The following UAP1 variants were observed in gnomAD, a reference collection of about 807,000 sequenced individuals.
UAP1 encodes UDP-N-acetylhexosamine pyrophosphorylase.
A neutral mutation model predicts 58.5 loss-of-function variants in UAP1; 25 were observed. The observed-to-expected ratio is 0.43, with a 90% confidence interval of 0.31 to 0.60. The LOEUF is 0.60. UAP1 is among the 20% of genes least tolerant of loss of function. The probability of loss-of-function intolerance (pLI) is 0.11; values close to 1 mark genes in which losing one functional copy is unlikely to be tolerated. For synonymous variants in UAP1, 208 were observed against 213.0 expected (o/e 0.98, Z 0.21); for missense variants, 575 against 630.0 (o/e 0.91, Z 0.93).
intron 2 of UAP1, among the ~76,000 whole-genome samples, chr1:162,573,991 T>G (rs1426285270): frequency 6.6e-6 from 1 of 151,440 alleles, no homozygotes; most frequent in Non-Finnish European, 1.5e-5. Flanking sequence ...ATAGCTGGAA[T>G]GATTGCTGAA....
chr1:162,596,503 T>A (rs1028332122), intron 9 of UAP1, among the ~76,000 whole-genome samples: 1 of 152,220 alleles, frequency 6.6e-6, no homozygotes, highest in Non-Finnish European at 1.5e-5. Flanking sequence ...AATAAATGGA[T>A]GGAGACAATC....
At chr1:162,585,510 C>T (rs1654853669) in intron 5 of UAP1, among the ~76,000 whole-genome samples, 1 of 152,108 alleles carries the variant, frequency 6.6e-6, no homozygotes, top group Non-Finnish European at 1.5e-5. Context: ...GATACACCCA[C>T]CTCAGCCTCC....
At chr1:162,589,209 A>ATATATTATATATTATATTTAAATATAT (rs10679970) in intron 7 of UAP1, among the ~76,000 whole-genome samples, 49 of 111,928 alleles carry the variant, frequency 4.4e-4, no homozygotes, top group Non-Finnish European at 7.5e-4. Flanking sequence ...TTATATTTAA[A>ATATATTATATATTATATTTAAATATAT]TATATATAAT....
chr1:162,569,236 A>G (rs917247982), intron 2 of UAP1, among the ~76,000 whole-genome samples: 23 of 152,228 alleles, frequency 1.5e-4, no homozygotes, highest in African/African-American at 4.8e-4. Context: ...TGGTAATTGT[A>G]TCAGGGACAG....
In UAP1 at chr1:162,576,986, G is replaced by C; in HGVS notation, c.485+5G>C. ...CAACAAATGCATTATTCCATGGTAA[G>C]ATACGTCTCATTATTGGAGTGTGTC... is the stretch of plus-strand genomic sequence containing the variant. On this transcript the variant is annotated splice_donor_5th_base_variant and intron_variant, in intron 3 of 10. Coordinates refer to ENST00000271469, the Ensembl canonical transcript of UAP1. The C allele has an allele frequency of 6.2e-7, 1 of 1,613,376 alleles. No homozygotes were observed. Among genetic ancestry groups the C allele is most frequent in the Non-Finnish European group, 8.5e-7 (1 of 1,179,390 alleles).
exon 7 of UAP1, chr1:162,588,717 C>T (rs755969259): frequency 2.1e-5 from 34 of 1,611,274 alleles, no homozygotes; most frequent in Non-Finnish European, 2.0e-5. Context: ...AGTTGCAGCA[C>T]CATGTGGCTC....
chr1:162,583,255 C>T lies in UAP1; in HGVS notation c.834+1796C>T, dbSNP rs1654710844. ...GCAACCTCCGTCTCCCAGGTTCAAG[C>T]AATTCTCCTGCCTCAGCCTCCTGAG... On this transcript the variant is annotated intron_variant, in intron 5 of 10. Transcript: ENST00000271469. Among the ~76,000 whole-genome samples, 3 of 144,750 alleles carry T rather than the reference C, an allele frequency of 2.1e-5. No homozygotes were observed. The Admixed American group carries it at 2.2e-4, about 11-fold the overall frequency. The allele number at this position is 144,750 out of a possible 152,430, so 95.0% of individuals were successfully genotyped here. A position where few individuals can be genotyped will look rare whatever the true frequency, so the allele number is the denominator to read the frequency against.
chr1:162,561,998 C>T (rs563782988), intron 1 of UAP1, among the ~76,000 whole-genome samples: 3 of 152,244 alleles, frequency 2.0e-5, no homozygotes, highest in Non-Finnish European at 2.9e-5. Context: ...TCCTCCGCCA[C>T]CCCGCGAGAG....
chr1:162,589,208 AAT>A (rs1305610508), intron 7 of UAP1, among the ~76,000 whole-genome samples: 1 of 50,390 alleles, frequency 2.0e-5, no homozygotes, highest in African/African-American at 5.8e-5. Context: ...ATTATATTTA[AAT>A]ATATATAATA....
At chr1:162,588,796 A>G in exon 7 of UAP1, 1 of 1,612,376 alleles carries the variant, frequency 6.2e-7, no homozygotes, top group Middle Eastern at 1.7e-4. Flanking sequence ...TGGAATAAAG[A>G]TGGAAAAATT....
chr1:162,582,441 G>A (rs1342749842), intron 5 of UAP1, among the ~76,000 whole-genome samples: 1 of 152,116 alleles, frequency 6.6e-6, no homozygotes, highest in Non-Finnish European at 1.5e-5. Context: ...AATAGAGTAG[G>A]TCAGTCAGAA....
At chr1:162,565,337 C>T (rs1381151144) in intron 1 of UAP1, among the ~76,000 whole-genome samples, 2 of 152,148 alleles carry the variant, frequency 1.3e-5, no homozygotes, top group African/African-American at 4.8e-5. Flanking sequence ...CAGAATATAG[C>T]TCTTTAGAAA....
chr1:162,587,677 A>C lies in UAP1; in HGVS notation c.1028+9A>C. On this transcript the variant is annotated intron_variant, in intron 6 of 10. Transcript: ENST00000271469. ...CTGAGAGATGTTGTCAAGTATGGGC[A>C]AGATGGGGGCCTTTTAAAATTATAT... 1 of 1,607,524 alleles carries C rather than the reference A, an allele frequency of 6.2e-7. No individual in the cohort carries two copies. The highest frequency in any genetic ancestry group is 1.3e-5 in the African/African-American group (1 of 74,834).
chr1:162,586,008 T>C (rs1654885288), intron 5 of UAP1, among the ~76,000 whole-genome samples: 1 of 152,184 alleles, frequency 6.6e-6, no homozygotes, highest in Non-Finnish European at 1.5e-5. Flanking sequence ...ACTGTGTTCC[T>C]TTCAGGGTGG....
intron 6 of UAP1, among the ~76,000 whole-genome samples, chr1:162,588,419 A>T (rs1167875126): frequency 6.6e-6 from 1 of 152,178 alleles, no homozygotes; most frequent in Non-Finnish European, 1.5e-5. Flanking sequence ...TTTAATGTAC[A>T]TATATACAGT....
intron 1 of UAP1, among the ~76,000 whole-genome samples, chr1:162,564,662 C>T (rs749871175): frequency 2.0e-5 from 3 of 152,220 alleles, no homozygotes; most frequent in Non-Finnish European, 4.4e-5. Flanking sequence ...TCTCTCATCT[C>T]TTTAAAGCAT....
intron 5 of UAP1, among the ~76,000 whole-genome samples, chr1:162,582,402 G>C (rs1275544778): frequency 6.6e-6 from 1 of 152,142 alleles, no homozygotes; most frequent in Non-Finnish European, 1.5e-5. Context: ...TGTGGTACTG[G>C]AACCAGAATA....
chr1:162,589,142 T>G (rs1175337046), intron 7 of UAP1, among the ~76,000 whole-genome samples: 3 of 102,308 alleles, frequency 2.9e-5, no homozygotes, highest in African/African-American at 1.2e-4. Flanking sequence ...ATTTATATAT[T>G]TATATAATAT....
chr1:162,572,685 TTTA>T (rs1406572678), intron 2 of UAP1, among the ~76,000 whole-genome samples: 2 of 152,364 alleles, frequency 1.3e-5, no homozygotes, highest in Admixed American at 1.3e-4. Flanking sequence ...AGAAATATTT[TTTA>T]TTATAACACC....
Sources: allele counts gnomAD v4.1 joint callset (sites outside exome capture counted in the v4.1 genomes callset), GRCh38; gene constraint gnomAD v4.1.1; transcripts MANE v1.5; gene names NCBI Gene and HGNC (gene_info 2026-07-23, HGNC 2026-07-21).